Variants in CNIH3 observed in about 807,000 individuals in gnomAD.
The protein encoded by CNIH3 is cornichon family AMPA receptor auxiliary protein 3.
Under a neutral mutation model 24.1 loss-of-function variants are expected in CNIH3, and 14 were observed. The ratio of observed to expected loss-of-function variants is 0.58; its 90% CI spans 0.38 to 0.91. The LOEUF is 0.91. Ranked by LOEUF, CNIH3 falls within the 40% of genes least tolerant of loss-of-function variation. CNIH3 has a pLI of 0.00. For synonymous variants in CNIH3, 68 were observed against 73.8 expected (o/e 0.92, Z 0.40); for missense variants, 178 against 196.8 (o/e 0.90, Z 0.57).
At chr1:224,597,914 G>T (rs531027711) in intron 3 of CNIH3, among the ~76,000 whole-genome samples, 1 of 152,288 alleles carries the variant, frequency 6.6e-6, no homozygotes, top group South Asian at 2.1e-4. Flanking sequence ...CAACCTGTGG[G>T]ATCTGATGCT....
chr1:224,679,405 A>C (rs1686295694), intron 1 of CNIH3, among the ~76,000 whole-genome samples: 1 of 152,198 alleles, frequency 6.6e-6, no homozygotes, highest in Admixed American at 6.5e-5. Flanking sequence ...GGTTGAACAA[A>C]AATGGGTAGC....
At chr1:224,737,692 T>C (rs1205625168) in intron 5 of CNIH3, among the ~76,000 whole-genome samples, 2 of 152,180 alleles carry the variant, frequency 1.3e-5, no homozygotes, top group Non-Finnish European at 2.9e-5. Flanking sequence ...AGTTTATAGT[T>C]TGAGCTCCCT....
At chr1:224,677,271 G>A (rs549709080) in intron 1 of CNIH3, among the ~76,000 whole-genome samples, 3 of 152,270 alleles carry the variant, frequency 2.0e-5, no homozygotes, top group South Asian at 2.1e-4. Context: ...TATTACAATC[G>A]TCTTGATAGC....
chr1:224,641,811 G>A (rs748111689), intron 1 of CNIH3, among the ~76,000 whole-genome samples: 5 of 152,128 alleles, frequency 3.3e-5, no homozygotes, highest in Non-Finnish European at 4.4e-5. Flanking sequence ...ATCTAGGATC[G>A]GGATAATGGC....
At chr1:224,460,892 C>G (rs775911882) in intron 1 of CNIH3, among the ~76,000 whole-genome samples, 2 of 151,894 alleles carry the variant, frequency 1.3e-5, no homozygotes, top group Non-Finnish European at 2.9e-5. Context: ...ACCTCAGCCT[C>G]CTGAGTAGCT....
intron 1 of CNIH3, among the ~76,000 whole-genome samples, chr1:224,445,964 A>G (rs575865403): frequency 1.3e-5 from 2 of 152,272 alleles, no homozygotes; most frequent in South Asian, 2.1e-4. Context: ...TTGTTTTTCC[A>G]TGTGAATGTC....
intron 3 of CNIH3, among the ~76,000 whole-genome samples, chr1:224,608,473 G>T (rs960633003): frequency 6.6e-6 from 1 of 152,146 alleles, no homozygotes; most frequent in Non-Finnish European, 1.5e-5. Context: ...GGTCGTAATC[G>T]ATTGAGCAAG....
At chr1:224,629,223 G>A (rs1683697502) in intron 1 of CNIH3, among the ~76,000 whole-genome samples, 1 of 151,944 alleles carries the variant, frequency 6.6e-6, no homozygotes, top group Non-Finnish European at 1.5e-5. Context: ...TGGCCAGGGT[G>A]GTCTTGAACT....
At chr1:224,593,237 C>A, downstream of CNIH3, among the ~76,000 whole-genome samples, 1 of 151,454 alleles carries the variant, frequency 6.6e-6, no homozygotes. Context: ...CTCACTGCAA[C>A]CTCCATCTCC....
intron 1 of CNIH3, among the ~76,000 whole-genome samples, chr1:224,627,269 C>T (rs1197417566): frequency 2.0e-5 from 3 of 152,050 alleles, no homozygotes; most frequent in Non-Finnish European, 4.4e-5. Flanking sequence ...CTCTGTCACC[C>T]AGGCTGGAGT....
At position 224,488,467 on chromosome 1, in the gene CNIH3, G is replaced by GA. The variant is rs1009316233; in HGVS notation, n.204-27274_204-27273insA. Among the ~76,000 whole-genome samples, 3 of 4,762 alleles carry GA rather than the reference G, an allele frequency of 6.3e-4. No individual in the cohort carries two copies. The Non-Finnish European group carries it at 9.5e-3, about 15-fold the overall frequency. 3.1% of individuals were successfully genotyped at this position (4,762 alleles called of 152,430 possible). A position where few individuals can be genotyped will look rare whatever the true frequency, so the allele number is the denominator to read the frequency against. On this transcript the variant is annotated intron_variant and non_coding_transcript_variant, in intron 1 of 5. Coordinates refer to the CNIH3 transcript ENST00000471578. The stretch of plus-strand genomic sequence containing the variant: ...TAAGCCCATTCAGTAATTTTTTTTT[G>GA]GGGGGTGGGGGGGAACAGAGTCTTG...
intron 3 of CNIH3, among the ~76,000 whole-genome samples, chr1:224,729,189 T>C (rs1410765761): frequency 6.6e-6 from 1 of 151,994 alleles, no homozygotes; most frequent in African/African-American, 2.4e-5. Flanking sequence ...GGTGGGCAGA[T>C]CACCTCAGGT....
At position 224,616,973 on chromosome 1, in the gene CNIH3, G is replaced by T; in HGVS notation, c.-202G>T. On this transcript the variant is annotated 5_prime_UTR_variant, in exon 1 of 6. Coordinates refer to ENST00000272133, the MANE Select transcript of CNIH3 (RefSeq NM_152495.2). ...TTTTCCTGTCTTCGCCGGAGGGCCGGGTCTGGGGTCGCCGGAGCCTGCGGG... is the reference window on the plus strand; with the variant it reads ...TTTTCCTGTCTTCGCCGGAGGGCCGTGTCTGGGGTCGCCGGAGCCTGCGGG... 1 of 1,413,112 alleles carries T rather than the reference G, an allele frequency of 7.1e-7. No individual in the cohort carries two copies. Among genetic ancestry groups the T allele is most frequent in the Non-Finnish European group, 9.2e-7 (1 of 1,089,558 alleles). The allele number at this position is 1,413,112 out of a possible 1,614,324, so 87.5% of individuals were successfully genotyped here. A position where few individuals can be genotyped will look rare whatever the true frequency, so the allele number is the denominator to read the frequency against.
chr1:224,474,917 C>T lies in CNIH3; in HGVS notation n.203+40055C>T, dbSNP rs1236413947. On this transcript the variant is annotated intron_variant and non_coding_transcript_variant, in intron 1 of 5. Coordinates refer to the CNIH3 transcript ENST00000471578. ...AAAGCCGGTCGTGGCAGTGGGCGGG[C>T]GCCTGTAGTCCCAGCTACTTGGGAG... 6.0e-5 allele frequency among the ~76,000 whole-genome samples: 9 copies of T among 150,982 alleles called. No homozygotes were observed. The East Asian group carries it at 1.4e-3, about 23-fold the overall frequency.
chr1:224,459,117 C>T lies in CNIH3; in HGVS notation n.203+24255C>T, dbSNP rs1295603176. ...AATGGCCAAACACCTGACTTCCTCTCTGGTAGCCTGGCTTTTATCTTCTAG... is the reference window on the plus strand; with the variant it reads ...AATGGCCAAACACCTGACTTCCTCTTTGGTAGCCTGGCTTTTATCTTCTAG... On this transcript the variant is annotated intron_variant and non_coding_transcript_variant, in intron 1 of 5. Transcript: ENST00000471578. The T allele has an allele frequency of 4.0e-6, 3 of 746,564 alleles. No individual in the cohort carries two copies. The African/African-American group carries it at 5.5e-5, about 14-fold the overall frequency. 46.2% of individuals were successfully genotyped at this position (746,564 alleles called of 1,614,324 possible).
chr1:224,688,647 T>C (rs1448016752), intron 3 of CNIH3, among the ~76,000 whole-genome samples: 1 of 152,200 alleles, frequency 6.6e-6, no homozygotes, highest in Non-Finnish European at 1.5e-5. Flanking sequence ...CATATTTTAC[T>C]ACATTTACTC....
rs79865403 is a variant in CNIH3 at position 224,646,394 on chromosome 1, A to G, written c.81+29139A>G. 8.2e-3 allele frequency among the ~76,000 whole-genome samples: 1,245 copies of G among 152,232 alleles called. 16 individuals are homozygous for G. The highest frequency in any genetic ancestry group is 0.028 in the African/African-American group (1,183 of 41,564). The stretch of plus-strand genomic sequence containing the variant: ...GCTCCCTTTGGCCTTTGTTACAAGC[A>G]TGTTGTTTGTTTGTTTTTGTTTTTG... On this transcript the variant is annotated intron_variant, in intron 1 of 5. Coordinates refer to ENST00000272133, the MANE Select transcript of CNIH3 (RefSeq NM_152495.2).
Position 224,617,147 on chromosome 1 carries a change from T to G in CNIH3, c.-28T>G, listed in dbSNP as rs1340599090. ...TCGGGCTCCTAGGGGCTTCTTGGCGTGTGTGGTGGGATTGGGGTCCGCCGG... is the reference window on the plus strand; with the variant it reads ...TCGGGCTCCTAGGGGCTTCTTGGCGGGTGTGGTGGGATTGGGGTCCGCCGG... On this transcript the variant is annotated 5_prime_UTR_variant, in exon 1 of 6. Coordinates refer to ENST00000272133, the MANE Select transcript of CNIH3 (RefSeq NM_152495.2). 1 of 1,612,442 alleles carries G rather than the reference T, an allele frequency of 6.2e-7. No homozygotes were observed. Among genetic ancestry groups the G allele is most frequent in the Admixed American group, 1.7e-5 (1 of 59,788 alleles).
intron 1 of CNIH3, among the ~76,000 whole-genome samples, chr1:224,643,517 C>T (rs1331201502): frequency 2.6e-5 from 4 of 152,300 alleles, no homozygotes; most frequent in Non-Finnish European, 4.4e-5. Flanking sequence ...CAAGGCCTGA[C>T]GTGGTGGGTC....
Sources: gnomAD v4.1 joint callset for allele counts (sites outside exome capture counted in the v4.1 genomes callset) on GRCh38, gnomAD v4.1.1 for gene constraint, MANE v1.5 for transcripts, NCBI Gene and HGNC (gene_info 2026-07-23, HGNC 2026-07-21) for gene names.